The following MYCBPAP variants were observed in gnomAD, a reference collection of about 807,000 sequenced individuals.
The protein encoded by MYCBPAP is MYCBP associated protein, also known as MYCBP-associated protein.
Under a neutral mutation model 106.1 loss-of-function variants are expected in MYCBPAP, and 60 were observed. The ratio of observed to expected loss-of-function variants is 0.57; its 90% confidence interval spans 0.46 to 0.70. The LOEUF (loss-of-function observed/expected upper bound fraction) is 0.70. MYCBPAP is among the 30% of genes least tolerant of loss of function. MYCBPAP has a pLI of 0.00. For missense variants in MYCBPAP, 1,064 were observed against 1,169.3 expected, an observed-to-expected ratio of 0.91 and a Z score of 1.31; for synonymous variants, 407 against 440.6, an observed-to-expected ratio of 0.92 and a Z score of 0.95.
At position 50,519,761 on chromosome 17, in the gene MYCBPAP, A is replaced by G; in HGVS notation, c.890A>G (p.Lys297Arg). The change falls in exon 7 of 19, where the codon AAG becomes AGG. Residue 297 changes from lysine (K) to arginine (R), a missense_variant. Physicochemically the swap from Lys to Arg is conservative, Grantham distance 26 (BLOSUM62 2). Coordinates refer to ENST00000323776, the MANE Select transcript of MYCBPAP (RefSeq NM_032133.6). ...GLMEPITHIRKPHSIRVETGL... is the reference protein window; with the variant it reads ...GLMEPITHIRRPHSIRVETGL... ...ATGGAGCCCATCACTCACATCAGGA[A>G]GCCCCACTCCATCCGGGTGGAGACA... 3 of 1,614,052 alleles carry G rather than the reference A, an allele frequency of 1.9e-6. No homozygotes were observed. The highest frequency in any genetic ancestry group is 2.5e-6 in the Non-Finnish European group (3 of 1,180,000).
At chr17:50,512,053 C>CTTTTT (rs774304337) in intron 1 of MYCBPAP, among the ~76,000 whole-genome samples, 1 of 131,856 alleles carries the variant, frequency 7.6e-6, no homozygotes, top group Non-Finnish European at 1.6e-5. Context: ...AGCAAGTTTT[C>CTTTTT]TTTTTTTTTT....
In MYCBPAP at chr17:50,521,303, C is replaced by A; in HGVS notation, c.1033-13C>A. On this transcript the variant is annotated splice_polypyrimidine_tract_variant and intron_variant, in intron 8 of 18. Coordinates refer to ENST00000323776, the MANE Select transcript of MYCBPAP (RefSeq NM_032133.6). ...TTCAGTCAGCTCATCTTACCTTTCT[C>A]CATCTCTCGGAGGATATTGATGGCC... 6.3e-7 allele frequency: 1 copy of A among 1,595,888 alleles called. No homozygotes were observed. Among genetic ancestry groups the A allele is most frequent in the East Asian group, 2.3e-5 (1 of 44,320 alleles).
chr17:50,525,181 G>A (rs2034417743), intron 13 of MYCBPAP, 158 bp downstream of exon 13: 4 of 819,158 alleles, frequency 4.9e-6, no homozygotes, highest in Non-Finnish European at 7.6e-6. Flanking sequence ...ATTCTCATAG[G>A]AGCACGAATC....
chr17:50,510,497 G>A (rs199804519), intron 1 of MYCBPAP: 2,676 of 88,902 alleles, frequency 0.03, 55 homozygotes, highest in African/African-American at 0.063. Flanking sequence ...GTGTGTGTGT[G>A]TGTATATATA....
At chr17:50,513,834 G>A (rs1650605527) in intron 1 of MYCBPAP, among the ~76,000 whole-genome samples, 3 of 152,232 alleles carry the variant, frequency 2.0e-5, no homozygotes, top group Admixed American at 6.5e-5. Flanking sequence ...TGGTGAGTTT[G>A]TGTAGAAGGG....
intron 13 of MYCBPAP, among the ~76,000 whole-genome samples, chr17:50,525,525 A>C (rs2034428363): frequency 6.6e-6 from 1 of 151,892 alleles, no homozygotes; most frequent in African/African-American, 2.4e-5. Flanking sequence ...ATACTGTCAC[A>C]CTCCAGGCCA....
chr17:50,517,684 C>G lies in MYCBPAP; in HGVS notation c.454C>G (p.Arg152Gly). The stretch of plus-strand genomic sequence containing the variant: ...GGATTTTAAGAGAATTGCACTTGCT[C>G]GAGGGAACACCCAGGTTTGTTTGCA... The part of the protein sequence containing the change: ...LQDFKRIALA[R>G]GNTQLAERIP... Residue 152 changes from arginine to glycine, a missense_variant, in exon 4 of 19, where the codon CGA (arginine) becomes GGA (glycine). Coordinates refer to ENST00000323776, the MANE Select transcript of MYCBPAP (RefSeq NM_032133.6). 6.2e-7 allele frequency: 1 copy of G among 1,613,996 alleles called. No individual in the cohort carries two copies. Among genetic ancestry groups the G allele is most frequent in the Non-Finnish European group, 8.5e-7 (1 of 1,179,970 alleles).
At chr17:50,526,725 A>G (rs1205646607) in intron 14 of MYCBPAP, among the ~76,000 whole-genome samples, 1 of 152,172 alleles carries the variant, frequency 6.6e-6, no homozygotes, top group Non-Finnish European at 1.5e-5. Flanking sequence ...CTGGGACTAC[A>G]GGCATGCGCC....
At chr17:50,516,357 C>T (rs578067433) in intron 1 of MYCBPAP, among the ~76,000 whole-genome samples, 1 of 152,306 alleles carries the variant, frequency 6.6e-6, no homozygotes, top group East Asian at 1.9e-4. Flanking sequence ...GAGCCAGGGG[C>T]TGTGGGTAGG....
chr17:50,525,119 G>A, intron 13 of MYCBPAP, 96 bp downstream of exon 13: 1 of 1,453,828 alleles, frequency 6.9e-7, no homozygotes, highest in Non-Finnish European at 9.3e-7. Context: ...CAGTGGGTGA[G>A]CCAGCATTAC....
intron 12 of MYCBPAP, among the ~76,000 whole-genome samples, 164 bp from the exon 13 acceptor site, chr17:50,524,711 CGT>C (rs1555621272): frequency 2.1e-4 from 29 of 138,898 alleles, no homozygotes; most frequent in East Asian, 1.5e-3. Context: ...TTAGAACAGG[CGT>C]GTGTGTGTGT....
intron 1 of MYCBPAP, among the ~76,000 whole-genome samples, chr17:50,516,285 T>C (rs1029987248): frequency 6.6e-6 from 1 of 152,172 alleles, no homozygotes; most frequent in African/African-American, 2.4e-5. Context: ...CCACCACACC[T>C]GGCCTGAAAC....
chr17:50,529,898 G>A, intron 18 of MYCBPAP: 1 of 446,428 alleles, frequency 2.2e-6, no homozygotes, highest in East Asian at 7.1e-5. Context: ...AATTCACCCA[G>A]GTTTTCCGTT....
intron 1 of MYCBPAP, 147 bp downstream of exon 1, chr17:50,508,897 C>G (rs770185493): frequency 8.0e-5 from 64 of 798,488 alleles, no homozygotes; most frequent in Non-Finnish European, 1.3e-4. Flanking sequence ...GGCATAGGAC[C>G]CTTAGGGATG....
At chr17:50,518,370 G>A (rs538697012) in intron 4 of MYCBPAP, among the ~76,000 whole-genome samples, 171 bp from the exon 5 acceptor site, 1 of 152,310 alleles carries the variant, frequency 6.6e-6, no homozygotes, top group African/African-American at 2.4e-5. Flanking sequence ...TGCTTTCAGG[G>A]CCCCCTGGTT....
At chr17:50,527,613 CT>C (rs933297339) in intron 15 of MYCBPAP, among the ~76,000 whole-genome samples, 69 of 152,176 alleles carry the variant, frequency 4.5e-4, no homozygotes, top group Non-Finnish European at 8.5e-4. Flanking sequence ...AACACCTTAT[CT>C]TTTTTTTCTT....
At position 50,519,012 on chromosome 17, in the gene MYCBPAP, A is replaced by G; in HGVS notation, c.691A>G (p.Thr231Ala). The G allele has an allele frequency of 1.2e-6, 2 of 1,614,062 alleles. No homozygotes were observed. The highest frequency in any genetic ancestry group is 2.2e-5 in the East Asian group (1 of 44,866). The change falls in exon 6 of 19, where the codon ACC becomes GCC. Residue 231 changes from threonine (T) to alanine (A), a missense_variant. Transcript: ENST00000323776. ...GCCAGTGAGTGAGCTGCTCATGCAC[A>G]CCGGGGAGACCTACAGACGGATCCA... is the stretch of plus-strand genomic sequence containing the variant. ...KKPVSELLMH[T>A]GETYRRIQEE... is the part of the protein sequence containing the mutation.
At chr17:50,530,677 C>T (rs370631249) in intron 18 of MYCBPAP, among the ~76,000 whole-genome samples, 1 of 151,558 alleles carries the variant, frequency 6.6e-6, no homozygotes, top group East Asian at 1.9e-4. Context: ...ATGATCCAAC[C>T]CCATTGGAGG....
At chr17:50,521,270 T>C in intron 8 of MYCBPAP, 45 bp downstream of exon 8, 2 of 1,595,402 alleles carry the variant, frequency 1.3e-6, no homozygotes, top group East Asian at 2.3e-5. Flanking sequence ...CTTGGGGCGA[T>C]GCCTGTCTTC....
Sources: allele counts gnomAD v4.1 joint callset (sites outside exome capture counted in the v4.1 genomes callset), GRCh38; gene constraint gnomAD v4.1.1; transcripts MANE v1.5; gene names NCBI Gene and HGNC (gene_info 2026-07-23, HGNC 2026-07-21).